The following CAMSAP2 variants were observed in gnomAD, a reference collection of about 807,000 sequenced individuals.
The protein encoded by CAMSAP2 is calmodulin-regulated spectrin-associated protein 2.
In CAMSAP2, 26 loss-of-function variants were observed where a neutral mutation model predicts 146.1. That is an observed-to-expected ratio of 0.18 (90% confidence interval 0.13 to 0.25). The LOEUF (loss-of-function observed/expected upper bound fraction) is 0.25, where lower values mean the gene tolerates loss of function less well. CAMSAP2 is among the 10% of genes least tolerant of loss of function. The pLI, the probability that CAMSAP2 is intolerant of heterozygous loss-of-function variation, is 1.00. For missense variants in CAMSAP2, 1,381 were observed against 1,759.3 expected (o/e 0.78, Z 3.85); for synonymous variants, 499 against 596.6 (o/e 0.84, Z 2.38).
At chr1:200,755,398 C>T (rs553449168) in intron 1 of CAMSAP2, among the ~76,000 whole-genome samples, 32 of 152,232 alleles carry the variant, frequency 2.1e-4, no homozygotes, top group African/African-American at 7.2e-4. Context: ...TTTCCTTTTT[C>T]CATATTTGTA....
Position 200,857,743 on chromosome 1 carries a change from T to C in CAMSAP2, c.4132-11T>C. ...CGTGTTGTTATGTTGTTTTTGTTTT[T>C]TATTTTAAAGGAAATGGAGAAATCA... On this transcript the variant is annotated splice_polypyrimidine_tract_variant and intron_variant, in intron 16 of 16. Coordinates refer to ENST00000358823, the MANE Select transcript of CAMSAP2 (RefSeq NM_203459.4). The surrounding 1 kb of genome is among the most constrained non-coding windows in gnomAD (Gnocchi z 4.7). 1 of 1,563,482 alleles carries C rather than the reference T, an allele frequency of 6.4e-7. No homozygotes were observed. The highest frequency in any genetic ancestry group is 2.1e-5 in the Admixed American group (1 of 46,954).
At chr1:200,818,228 C>CA (rs1666658662) in intron 4 of CAMSAP2, among the ~76,000 whole-genome samples, 1 of 151,930 alleles carries the variant, frequency 6.6e-6, no homozygotes, top group Non-Finnish European at 1.5e-5. Flanking sequence ...TATATGATGA[C>CA]AGAGGGCCCA....
chr1:200,800,559 C>G (rs915233373), intron 2 of CAMSAP2, among the ~76,000 whole-genome samples: 1 of 151,892 alleles, frequency 6.6e-6, no homozygotes, highest in Non-Finnish European at 1.5e-5. Flanking sequence ...CTATGTGTGT[C>G]TTTGCACATG....
chr1:200,831,211 A>G (rs921277232), intron 4 of CAMSAP2, among the ~76,000 whole-genome samples: 1 of 152,186 alleles, frequency 6.6e-6, no homozygotes, highest in Admixed American at 6.5e-5. Flanking sequence ...CTTCAGCATT[A>G]TTTTACTTGG....
rs1667518849 is a variant in CAMSAP2 at position 200,848,410 on chromosome 1, A to G, written c.1641A>G (p.Gln547=). 2 of 1,614,010 alleles carry G rather than the reference A, an allele frequency of 1.2e-6. No homozygotes were observed. The highest frequency in any genetic ancestry group is 1.7e-6 in the Non-Finnish European group (2 of 1,179,962). Residue 547 remains glutamine, a synonymous_variant, in exon 11 of 17, where the codon CAA becomes CAG. Transcript: ENST00000358823. ...IETPSIEEAL[Q]IIHDTEKSPH... ...CACCAAGCATTGAAGAAGCATTACAAATAATTCATGATACTGAAAAATCTC... is the reference window on the plus strand; with the variant it reads ...CACCAAGCATTGAAGAAGCATTACAGATAATTCATGATACTGAAAAATCTC...
chr1:200,770,755 C>T (rs1403216184), intron 2 of CAMSAP2, among the ~76,000 whole-genome samples: 1 of 152,186 alleles, frequency 6.6e-6, no homozygotes, highest in African/African-American at 2.4e-5. Context: ...AACATGTATA[C>T]GTTATTATTA....
chr1:200,834,871 G>A (rs1435009027), intron 6 of CAMSAP2, among the ~76,000 whole-genome samples: 2 of 152,140 alleles, frequency 1.3e-5, no homozygotes, highest in Admixed American at 1.3e-4. Context: ...CTGATTGCAT[G>A]ACTGCACTCC....
At chr1:200,759,266 A>T (rs1571723044) in intron 1 of CAMSAP2, among the ~76,000 whole-genome samples, 1 of 144,054 alleles carries the variant, frequency 6.9e-6, no homozygotes. Flanking sequence ...AATTCTGCCG[A>T]TTCCTGCTAT....
chr1:200,761,399 T>C (rs554954816), intron 2 of CAMSAP2, among the ~76,000 whole-genome samples: 1 of 152,306 alleles, frequency 6.6e-6, no homozygotes, highest in East Asian at 1.9e-4. Flanking sequence ...AGATGGAAAA[T>C]GCATCCTTGA....
intron 1 of CAMSAP2, among the ~76,000 whole-genome samples, chr1:200,751,162 C>G (rs1281544444): frequency 6.6e-6 from 1 of 151,676 alleles, no homozygotes; most frequent in African/African-American, 2.4e-5. Context: ...CTCAGCCTCC[C>G]GAAGTGCTGG....
intron 2 of CAMSAP2, among the ~76,000 whole-genome samples, chr1:200,764,215 C>T (rs1664879265): frequency 6.6e-6 from 1 of 152,096 alleles, no homozygotes; most frequent in Admixed American, 6.5e-5. Flanking sequence ...ACTTCCACTT[C>T]TAAATTATTT....
chr1:200,814,809 G>T (rs753269397), intron 3 of CAMSAP2, among the ~76,000 whole-genome samples: 1 of 152,016 alleles, frequency 6.6e-6, no homozygotes, highest in Non-Finnish European at 1.5e-5. Context: ...GGGACTGAAA[G>T]TTTTGGTGGC....
intron 3 of CAMSAP2, among the ~76,000 whole-genome samples, chr1:200,814,131 C>CGGGGGGGGGGGGGGGGG (rs1325891199): frequency 7.0e-5 from 1 of 14,302 alleles, no homozygotes; most frequent in Non-Finnish European, 1.4e-4. Flanking sequence ...AAAAAGGTGG[C>CGGGGGGGGGGGGGGGGG]GGGGGGAGGG....
intron 2 of CAMSAP2, among the ~76,000 whole-genome samples, chr1:200,806,362 A>G (rs1236938868): frequency 2.0e-5 from 3 of 152,224 alleles, no homozygotes; most frequent in African/African-American, 7.2e-5. Context: ...AAGTCAAACA[A>G]GAGTGGGGTC....
intron 2 of CAMSAP2, among the ~76,000 whole-genome samples, chr1:200,765,857 T>C (rs910380996): frequency 5.9e-5 from 9 of 152,182 alleles, no homozygotes; most frequent in Non-Finnish European, 1.0e-4. Flanking sequence ...AATTAAAATA[T>C]TGACTGCATG....
At chr1:200,839,024 A>G (rs1220223785) in intron 6 of CAMSAP2, among the ~76,000 whole-genome samples, 5 of 152,190 alleles carry the variant, frequency 3.3e-5, no homozygotes, top group Admixed American at 1.3e-4. Context: ...CACTATTTCA[A>G]TTTTGGACAT....
intron 2 of CAMSAP2, among the ~76,000 whole-genome samples, chr1:200,774,319 A>AG (rs1410086036): frequency 3.9e-4 from 60 of 151,924 alleles, no homozygotes; most frequent in African/African-American, 1.4e-3. Flanking sequence ...AAAAAAAAAA[A>AG]TCTTTACAAT....
chr1:200,822,238 C>T (rs1030082537), intron 4 of CAMSAP2, among the ~76,000 whole-genome samples: 1 of 151,690 alleles, frequency 6.6e-6, no homozygotes, highest in Non-Finnish European at 1.5e-5. Flanking sequence ...CCCCTTAATA[C>T]TTCAATATAT....
Position 200,853,461 on chromosome 1 carries a change from T to C in CAMSAP2, c.3789T>C (p.Ile1263=). ...QRPKSIHRDH[I]ESPKTPIKGP... ...CAAAATCTATTCACAGAGATCATAT[T>C]GAATCCCCCAAAACACCAATAAAGG... Residue 1263 remains isoleucine (I), a synonymous_variant, in exon 13 of 17, where the codon ATT becomes ATC. Transcript: ENST00000358823. The surrounding 1 kb of genome is among the most constrained non-coding windows in gnomAD (Gnocchi z 5.1). 4 of 1,613,750 alleles carry C rather than the reference T, an allele frequency of 2.5e-6. No individual in the cohort carries two copies. The highest frequency in any genetic ancestry group is 3.4e-6 in the Non-Finnish European group (4 of 1,179,866).
Sources: allele counts gnomAD v4.1 joint callset (sites outside exome capture counted in the v4.1 genomes callset), GRCh38; gene constraint gnomAD v4.1.1; non-coding constraint Gnocchi (gnomAD v3.1); transcripts MANE v1.5; gene names NCBI Gene and HGNC (gene_info 2026-07-23, HGNC 2026-07-21).